SUCLG2: variants seen among roughly 807,000 people sequenced by gnomAD.
SUCLG2 encodes the protein succinate--CoA ligase [GDP-forming] subunit beta, mitochondrial.
In SUCLG2, 42 loss-of-function variants were observed where a neutral mutation model predicts 47.9. That is an observed-to-expected ratio of 0.88 (90% CI 0.69 to 1.14). SUCLG2 has a LOEUF of 1.14. Among genes scored for constraint, SUCLG2 ranks in the 50% most tolerant of loss-of-function variants. SUCLG2 has a pLI of 0.00. For synonymous variants in SUCLG2, 195 were observed against 197.3 expected (o/e 0.99, Z 0.10); for missense variants, 571 against 525.9 (o/e 1.09, Z -0.84).
Position 67,391,625 on chromosome 3 carries a change from C to T in SUCLG2, c.1183+9106G>A, listed in dbSNP as rs555385419. Among the ~76,000 whole-genome samples the T allele has an allele frequency of 1.7e-4, 26 of 152,166 alleles. No individual in the cohort carries two copies. In the South Asian group the frequency reaches 2.5e-3, roughly 15 times the overall value. The stretch of plus-strand genomic sequence containing the variant: ...CAGCCTCGGTAGATTGACTGTGGGC[C>T]GAGTAGCTTTGAAAACATTTTCATT... On this transcript the variant is annotated intron_variant, in intron 10 of 10. Coordinates refer to ENST00000307227, the MANE Select transcript of SUCLG2 (RefSeq NM_003848.4).
At chr3:67,363,407 C>T (rs766869898) in intron 10 of SUCLG2, among the ~76,000 whole-genome samples, 3 of 152,194 alleles carry the variant, frequency 2.0e-5, no homozygotes, top group Non-Finnish European at 2.9e-5. Context: ...TGATGTCTGA[C>T]TGCCAGGATT....
chr3:67,473,199 G>C (rs1032886442), intron 9 of SUCLG2, among the ~76,000 whole-genome samples: 1 of 151,780 alleles, frequency 6.6e-6, no homozygotes, highest in Admixed American at 6.6e-5. Context: ...TTTTTTTTGA[G>C]ACAGGGTCTT....
intron 9 of SUCLG2, among the ~76,000 whole-genome samples, chr3:67,459,684 G>T (rs759951866): frequency 5.3e-5 from 8 of 152,306 alleles, no homozygotes; most frequent in Non-Finnish European, 7.3e-5. Context: ...GTATTTGGAT[G>T]CTAGGAACAA....
chr3:67,460,918 A>C (rs981304822), intron 9 of SUCLG2, among the ~76,000 whole-genome samples: 2 of 152,138 alleles, frequency 1.3e-5, no homozygotes, highest in Non-Finnish European at 2.9e-5. Context: ...GGTTTATCTG[A>C]TAAGATATAA....
intron 9 of SUCLG2, among the ~76,000 whole-genome samples, chr3:67,455,464 C>G (rs1187591677): frequency 6.6e-6 from 1 of 152,134 alleles, no homozygotes; most frequent in African/African-American, 2.4e-5. Flanking sequence ...GCCTACTTTC[C>G]AGAATCAGAC....
intron 1 of SUCLG2, among the ~76,000 whole-genome samples, chr3:67,641,361 C>G (rs1701097135): frequency 6.6e-6 from 1 of 152,082 alleles, no homozygotes; most frequent in African/African-American, 2.4e-5. Flanking sequence ...TCCAAGCAGC[C>G]AGAAAAGCAT....
At chr3:67,427,973 A>T (rs1305438058) in intron 9 of SUCLG2, among the ~76,000 whole-genome samples, 1 of 152,168 alleles carries the variant, frequency 6.6e-6, no homozygotes, top group Non-Finnish European at 1.5e-5. Context: ...AGAAAGCTTG[A>T]ACTGGGTGGA....
At chr3:67,488,987 G>C (rs977007486) in intron 9 of SUCLG2, among the ~76,000 whole-genome samples, 3 of 152,282 alleles carry the variant, frequency 2.0e-5, no homozygotes, top group South Asian at 2.1e-4. Context: ...CCTGGATTTT[G>C]AAGACAGAGT....
intron 1 of SUCLG2, among the ~76,000 whole-genome samples, chr3:67,636,377 G>C (rs1194138865): frequency 6.8e-6 from 1 of 146,370 alleles, no homozygotes; most frequent in African/African-American, 2.5e-5. Flanking sequence ...TTTTGAGACA[G>C]AGTCTTGCTC....
downstream of SUCLG2, among the ~76,000 whole-genome samples, chr3:67,371,473 G>C (rs990377668): frequency 1.3e-5 from 2 of 152,136 alleles, no homozygotes; most frequent in African/African-American, 4.8e-5. Context: ...CTTTTGGATG[G>C]TCATGGTTAT....
At chr3:67,507,961 C>T (rs1373743419) in intron 7 of SUCLG2, among the ~76,000 whole-genome samples, 1 of 152,136 alleles carries the variant, frequency 6.6e-6, no homozygotes, top group Non-Finnish European at 1.5e-5. Context: ...TTACCCCTTA[C>T]CACACACACA....
intron 9 of SUCLG2, among the ~76,000 whole-genome samples, chr3:67,406,846 T>A (rs13092025): frequency 0.47 from 71,477 of 152,036 alleles, 17,116 homozygotes; most frequent in African/African-American, 0.51. Flanking sequence ...AATAAGCTTA[T>A]AAATGTATTT....
chr3:67,502,876 A>C (rs946199711), intron 7 of SUCLG2, among the ~76,000 whole-genome samples: 2 of 152,210 alleles, frequency 1.3e-5, no homozygotes, highest in African/African-American at 2.4e-5. Context: ...TAAATAGTAG[A>C]AAACAAGATT....
chr3:67,518,617 T>C (rs950383487), intron 5 of SUCLG2, among the ~76,000 whole-genome samples: 8 of 152,256 alleles, frequency 5.3e-5, no homozygotes, highest in African/African-American at 9.6e-5. Context: ...ACAGATGGCA[T>C]TGATGAATAT....
At chr3:67,362,558 A>G (rs1178671007) in intron 10 of SUCLG2, among the ~76,000 whole-genome samples, 2 of 152,146 alleles carry the variant, frequency 1.3e-5, no homozygotes, top group Non-Finnish European at 2.9e-5. Flanking sequence ...CCTCCATGAA[A>G]TTGCAAAGTC....
chr3:67,438,787 C>G (rs775875800), intron 9 of SUCLG2, among the ~76,000 whole-genome samples: 7 of 152,150 alleles, frequency 4.6e-5, no homozygotes, highest in Non-Finnish European at 8.8e-5. Context: ...GACGGATTCA[C>G]GGCCATATTC....
chr3:67,438,526 T>C (rs1335336984), intron 9 of SUCLG2, among the ~76,000 whole-genome samples: 1 of 150,822 alleles, frequency 6.6e-6, no homozygotes, highest in Non-Finnish European at 1.5e-5. Flanking sequence ...AAGAATCAAA[T>C]AGACACAATG....
intron 2 of SUCLG2, among the ~76,000 whole-genome samples, chr3:67,575,767 G>C (rs900226118): frequency 6.6e-6 from 1 of 152,190 alleles, no homozygotes; most frequent in African/African-American, 2.4e-5. Context: ...CTGGTAGGAA[G>C]CATGTGTTCT....
chr3:67,542,920 A>C (rs1213181005), intron 2 of SUCLG2, among the ~76,000 whole-genome samples: 1 of 152,214 alleles, frequency 6.6e-6, no homozygotes, highest in Non-Finnish European at 1.5e-5. Flanking sequence ...TGAGACAGAA[A>C]ATTAACAAGG....
Sources: gnomAD v4.1 joint callset for allele counts (sites outside exome capture counted in the v4.1 genomes callset) on GRCh38, gnomAD v4.1.1 for gene constraint, MANE v1.5 for transcripts, NCBI Gene and HGNC (gene_info 2026-07-23, HGNC 2026-07-21) for gene names.